PCSK6: variants seen among roughly 807,000 people sequenced by gnomAD.
PCSK6 encodes paired basic amino acid cleaving enzyme 4.
In PCSK6, 85 loss-of-function variants were observed where a neutral mutation model predicts 123.3. The observed-to-expected ratio is 0.69, with a 90% CI of 0.58 to 0.83. The LOEUF is 0.83. PCSK6 is among the 40% of genes least tolerant of loss of function. PCSK6 has a pLI of 0.00. For synonymous variants in PCSK6, 508 were observed against 516.0 expected (o/e 0.98, Z 0.21); for missense variants, 1,191 against 1,282.3 (o/e 0.93, Z 1.09).
At chr15:101,367,660 TG>T (rs3837714) in intron 12 of PCSK6, among the ~76,000 whole-genome samples, 11,727 of 152,296 alleles carry the variant, frequency 0.077, 603 homozygotes, top group South Asian at 0.11. Context: ...GTGAAGAACC[TG>T]GCAAACTGAT....
chr15:101,373,872 T>C (rs2041655321), intron 11 of PCSK6, among the ~76,000 whole-genome samples: 1 of 152,258 alleles, frequency 6.6e-6, no homozygotes. Flanking sequence ...TGAATACACC[T>C]ACATTGTACT....
rs138894083 is a variant in PCSK6, at chr15:101,387,941, G to C, written c.1310+1523C>G. Among the ~76,000 whole-genome samples the C allele has an allele frequency of 8.1e-3, 1,234 of 152,344 alleles. 7 individuals are homozygous for C. Among genetic ancestry groups the C allele is most frequent in the Non-Finnish European group, 0.014 (937 of 68,028 alleles). ...GCTCTAGACTGACATTGTTCCAAAT[G>C]ATGTTTGCCTGATCCGTCCCCTGTA... On this transcript the variant is annotated intron_variant, in intron 9 of 21. Coordinates refer to ENST00000611716, the MANE Select transcript of PCSK6 (RefSeq NM_002570.5).
chr15:101,305,351 G>A lies in PCSK6; in HGVS notation c.2817C>T (p.Asp939=), dbSNP rs199999779. Residue 939 remains aspartate, a synonymous_variant, in exon 22 of 22, where the codon GAC becomes GAT. Coordinates refer to ENST00000611716, the MANE Select transcript of PCSK6 (RefSeq NM_002570.5). This position sits in a 1 kb window ranked among gnomAD's most constrained non-coding sequence, Gnocchi z 4.8. ...ACTTCACCATCTCGCAGAATGTCTC[G>A]TCAGCTGGGGCCCCGCATCAGGAAA... ...CITNHTCSNA[D]ETFCEMVKSN... is the part of the protein sequence containing the mutation. The A allele has an allele frequency of 8.2e-5, 132 of 1,611,542 alleles. No homozygotes were observed. Among genetic ancestry groups the A allele is most frequent in the Middle Eastern group, 1.6e-4 (1 of 6,080 alleles).
At chr15:101,452,232 G>A (rs530807413) in intron 1 of PCSK6, among the ~76,000 whole-genome samples, 3 of 152,138 alleles carry the variant, frequency 2.0e-5, no homozygotes, top group South Asian at 2.1e-4. Context: ...CCCTTAAGTC[G>A]CCAAACCAAA....
At chr15:101,484,128 A>G (rs1308195435) in intron 1 of PCSK6, among the ~76,000 whole-genome samples, 6 of 152,228 alleles carry the variant, frequency 3.9e-5, no homozygotes, top group African/African-American at 9.7e-5. Flanking sequence ...CAAAGAAAAA[A>G]AGTACAAAAT....
intron 6 of PCSK6, among the ~76,000 whole-genome samples, chr15:101,414,218 A>T (rs1211651282): frequency 6.6e-6 from 1 of 152,178 alleles, no homozygotes; most frequent in Non-Finnish European, 1.5e-5. Context: ...GAAAATAATG[A>T]CATTTTTAGA....
chr15:101,309,761 C>T (rs2039810032), intron 20 of PCSK6, among the ~76,000 whole-genome samples: 1 of 152,268 alleles, frequency 6.6e-6, no homozygotes, highest in Admixed American at 6.5e-5. Context: ...AAGCACTCCA[C>T]AGAGGCCTGT....
intron 13 of PCSK6, chr15:101,346,339 T>C (rs2040728098): frequency 6.6e-6 from 1 of 152,372 alleles, no homozygotes; most frequent in African/African-American, 2.4e-5. Flanking sequence ...ATTATGGTGC[T>C]TCTGTTGGTG....
At chr15:101,476,570 A>T (rs1433875534) in intron 1 of PCSK6, among the ~76,000 whole-genome samples, 5 of 152,086 alleles carry the variant, frequency 3.3e-5, no homozygotes, top group African/African-American at 1.2e-4. Context: ...ATTAAAAAAA[A>T]AAAAAACAAC....
Position 101,427,929 on chromosome 15 carries a change from G to T in PCSK6, c.786C>A (p.Tyr262Ter). ...CATTGTACGCTATGCCCACGATGCA[G>T]TAGGAATTGTTTGCTGAAGCAGCAA... ...GEVAASANNS[Y>*]CIVGIAYNAK... is the part of the protein sequence containing the mutation. Residue 262 changes from tyrosine (Y) to a stop codon, truncating the protein, a stop_gained, in exon 6 of 22, where the codon TAC (tyrosine) becomes TAA (stop). Coordinates refer to ENST00000611716, the MANE Select transcript of PCSK6 (RefSeq NM_002570.5). LOFTEE classifies it high-confidence loss of function. 1 of 1,588,278 alleles carries T rather than the reference G, an allele frequency of 6.3e-7. No homozygotes were observed. Among genetic ancestry groups the T allele is most frequent in the South Asian group, 1.2e-5 (1 of 86,548 alleles).
At chr15:101,428,238 G>A (rs753851567) in intron 5 of PCSK6, among the ~76,000 whole-genome samples, 1 of 152,142 alleles carries the variant, frequency 6.6e-6, no homozygotes, top group African/African-American at 2.4e-5. Context: ...TGCCTCCCCT[G>A]ACCCCCATGT....
intron 1 of PCSK6, among the ~76,000 whole-genome samples, chr15:101,474,373 C>A (rs1406810989): frequency 6.6e-6 from 1 of 152,214 alleles, no homozygotes; most frequent in Non-Finnish European, 1.5e-5. Context: ...TCTGCTGTGA[C>A]CCTCGGAGAG....
intron 6 of PCSK6, among the ~76,000 whole-genome samples, chr15:101,421,613 C>T (rs1043909226): frequency 5.9e-5 from 9 of 152,202 alleles, no homozygotes; most frequent in Non-Finnish European, 1.0e-4. Context: ...AAGGTACACA[C>T]AGTGAGGAAT....
At chr15:101,311,068 A>G (rs2039848855) in intron 20 of PCSK6, among the ~76,000 whole-genome samples, 1 of 151,384 alleles carries the variant, frequency 6.6e-6, no homozygotes. Context: ...GTGATGAGTG[A>G]GTTCATGTGA....
intron 15 of PCSK6, 117 bp downstream of exon 15, chr15:101,331,530 GGGGT>G: frequency 1.2e-6 from 1 of 832,354 alleles, no homozygotes; most frequent in Non-Finnish European, 2.0e-6. Context: ...CTTTGGAAAG[GGGGT>G]GCTCCTAGAA....
rs1451299516 is a variant in PCSK6, at chr15:101,398,497, A to C, written c.903T>G (p.Ile301Met). Residue 301 changes from isoleucine to methionine, a missense_variant, in exon 7 of 22, where the codon ATT becomes ATG. Transcript: ENST00000611716. This position sits in a 1 kb window ranked among gnomAD's most constrained non-coding sequence, Gnocchi z 4.6. ...CGTCCGGCCCCCAGCTGGCACTGTA[A>C]ATGTCGATGTAGTTGGGTCTGATGC... The part of the protein sequence containing the change: ...SLGIRPNYID[I>M]YSASWGPDDD... 1 of 1,613,846 alleles carries C rather than the reference A, an allele frequency of 6.2e-7. No individual in the cohort carries two copies. The highest frequency in any genetic ancestry group is 1.7e-5 in the Admixed American group (1 of 60,022).
At chr15:101,336,079 G>A (rs1035349428) in intron 13 of PCSK6, among the ~76,000 whole-genome samples, 4 of 152,196 alleles carry the variant, frequency 2.6e-5, no homozygotes, top group African/African-American at 7.2e-5. Flanking sequence ...TGCAGCACAC[G>A]ACTACACAAA....
At chr15:101,313,571 C>T in intron 19 of PCSK6, 66 bp from the exon 20 acceptor site, 2 of 1,537,244 alleles carry the variant, frequency 1.3e-6, no homozygotes. Context: ...CCCAGGCCTG[C>T]TTCAGGGCCT....
chr15:101,331,542 G>C, intron 15 of PCSK6, 109 bp downstream of exon 15: 1 of 962,324 alleles, frequency 1.0e-6, no homozygotes, highest in East Asian at 2.6e-5. Flanking sequence ...GGTGCTCCTA[G>C]AAGTGGCTAA....
Sources: gnomAD v4.1 joint callset for allele counts (sites outside exome capture counted in the v4.1 genomes callset) on GRCh38, gnomAD v4.1.1 for gene constraint, Gnocchi (gnomAD v3.1) non-coding constraint, MANE v1.5 for transcripts, NCBI Gene and HGNC (gene_info 2026-07-23, HGNC 2026-07-21) for gene names.